NLRP4: variants seen among roughly 807,000 people sequenced by gnomAD.
The protein encoded by NLRP4 is NACHT, LRR and PYD domains-containing protein 4.
Under a neutral mutation model 84.7 loss-of-function variants are expected in NLRP4, and 44 were observed. That is an observed-to-expected ratio of 0.52 (90% CI 0.41 to 0.67). The LOEUF is 0.67. Among genes scored for constraint, NLRP4 ranks in the 30% least tolerant of loss-of-function variants. NLRP4 has a pLI of 0.00. For missense variants in NLRP4, 1,260 were observed against 1,219.4 expected (o/e 1.03, Z -0.50); for synonymous variants, 544 against 476.4 (o/e 1.14, Z -1.85).
intron 6 of NLRP4, among the ~76,000 whole-genome samples, chr19:55,868,930 G>A (rs750758602): frequency 3.1e-4 from 47 of 152,110 alleles, no homozygotes; most frequent in Middle Eastern, 3.4e-3. Context: ...TTTATACCTC[G>A]AGCTAAAATA....
rs776659188 is a variant in NLRP4 at position 55,840,338 on chromosome 19, A to ATGTGTG, written c.-66+3409_-66+3410insGTGTGT. 6.3e-3 allele frequency among the ~76,000 whole-genome samples: 862 copies of ATGTGTG among 136,992 alleles called. 6 individuals are homozygous for ATGTGTG. The highest frequency in any genetic ancestry group is 0.023 in the African/African-American group (821 of 35,862). The allele number at this position is 136,992 out of a possible 152,430, so 89.9% of individuals were successfully genotyped here. ...GGTGTGTGTGTATAGACATATGTGT[A>ATGTGTG]TGTGTATGTGTGTGTGTGTGTGTGT... On this transcript the variant is annotated intron_variant, in intron 1 of 9. Coordinates refer to ENST00000301295, the MANE Select transcript of NLRP4 (RefSeq NM_134444.5).
intron 1 of NLRP4, among the ~76,000 whole-genome samples, chr19:55,838,035 C>CCAAAAAAAAAAAAAAAAAAAAAAA (rs59078329): frequency 7.5e-6 from 1 of 132,656 alleles, no homozygotes; most frequent in Admixed American, 7.5e-5. Context: ...GACTCGGTCT[C>CCAAAAAAAAAAAAAAAAAAAAAAA]AAGCTGGATG....
chr19:55,873,586 C>A (rs1171926798), intron 7 of NLRP4, among the ~76,000 whole-genome samples: 1 of 151,948 alleles, frequency 6.6e-6, no homozygotes, highest in Non-Finnish European at 1.5e-5. Flanking sequence ...GTAGTAAGTG[C>A]CACTGAACTG....
At chr19:55,849,390 T>C (rs925495597) in intron 1 of NLRP4, among the ~76,000 whole-genome samples, 76 of 152,312 alleles carry the variant, frequency 5.0e-4, no homozygotes, top group African/African-American at 1.8e-3. Flanking sequence ...CCAGGGATCA[T>C]TTCTATAGTT....
intron 1 of NLRP4, among the ~76,000 whole-genome samples, chr19:55,837,633 A>T (rs552559430): frequency 7.1e-6 from 1 of 140,286 alleles, no homozygotes; most frequent in South Asian, 2.2e-4. Flanking sequence ...CAAAGTCCTA[A>T]CCCCTTTATA....
In NLRP4 at chr19:55,859,939, A is replaced by AC. The variant is rs1466205451; in HGVS notation, c.1856+690_1856+691insC. Among the ~76,000 whole-genome samples the AC allele has an allele frequency of 1.2e-3, 179 of 144,360 alleles. 2 individuals carry two copies. The highest frequency in any genetic ancestry group is 4.4e-3 in the African/African-American group (173 of 39,222). The allele number at this position is 144,360 out of a possible 152,430, so 94.7% of individuals were successfully genotyped here. A position where few individuals can be genotyped will look rare whatever the true frequency, so the allele number is the denominator to read the frequency against. On this transcript the variant is annotated intron_variant, in intron 3 of 9. Coordinates refer to ENST00000301295, the MANE Select transcript of NLRP4 (RefSeq NM_134444.5). ...GACTCTCATCTCCAAAAAAAAAAAA[A>AC]AAAAAAAAAAAAACAAAACACAAAT...
chr19:55,875,131 A>G (rs565239147), intron 7 of NLRP4, among the ~76,000 whole-genome samples: 4 of 152,354 alleles, frequency 2.6e-5, no homozygotes, highest in African/African-American at 9.6e-5. Flanking sequence ...TAAAGCAAAC[A>G]TTTGTCTAAT....
chr19:55,852,071 T>C lies in NLRP4; in HGVS notation c.-10T>C. 6.3e-7 allele frequency: 1 copy of C among 1,585,354 alleles called. No homozygotes were observed. The highest frequency in any genetic ancestry group is 1.2e-5 in the South Asian group (1 of 85,034). On this transcript the variant is annotated 5_prime_UTR_variant, in exon 2 of 10. Transcript: ENST00000301295. The stretch of plus-strand genomic sequence containing the variant: ...TCTCTTTGAGGATTGGTATCTCTGC[T>C]CCAGAAAAGATGGCAGCCTCTTTCT...
At chr19:55,850,064 A>ATTTCCGAGACTGCGGTGTG (rs1984000971) in intron 1 of NLRP4, among the ~76,000 whole-genome samples, 1 of 101,508 alleles carries the variant, frequency 9.9e-6, no homozygotes, top group African/African-American at 6.3e-5. Flanking sequence ...GCTGCGGTGG[A>ATTTCCGAGACTGCGGTGTG]ATTTCCGAGA....
rs56806641 is a variant in NLRP4, at chr19:55,881,136, C to CGTGT, written c.2868-307_2868-304dup. ...AGCTCCTACAAGCTGGTGAGAGCCA[C>CGTGT]GTGTGTGTGTGTGTGTGTGTGTGTG... On this transcript the variant is annotated intron_variant, in intron 9 of 9. Coordinates refer to ENST00000301295, the MANE Select transcript of NLRP4 (RefSeq NM_134444.5). Among the ~76,000 whole-genome samples the CGTGT allele has an allele frequency of 5.6e-3, 787 of 139,574 alleles. 7 individuals carry two copies. Among genetic ancestry groups the CGTGT allele is most frequent in the African/African-American group, 0.013 (506 of 37,806 alleles). The allele number at this position is 139,574 out of a possible 152,430, so 91.6% of individuals were successfully genotyped here. A position where few individuals can be genotyped will look rare whatever the true frequency, so the allele number is the denominator to read the frequency against.
intron 1 of NLRP4, among the ~76,000 whole-genome samples, chr19:55,839,795 C>CT (rs1322092183): frequency 6.6e-6 from 1 of 151,958 alleles, no homozygotes; most frequent in Non-Finnish European, 1.5e-5. Flanking sequence ...GTGTGTTTTG[C>CT]TTTTTATCTA....
chr19:55,861,894 G>A (rs1013358462), intron 4 of NLRP4, 98 bp from the exon 5 acceptor site: 23 of 878,724 alleles, frequency 2.6e-5, no homozygotes, highest in Non-Finnish European at 3.7e-5. Context: ...TGTGAAATCA[G>A]AGAATGAGTT....
In NLRP4 at chr19:55,859,944, AAAAAAAAAC is replaced by A. The variant is rs1369514808; in HGVS notation, c.1856+700_1856+708del. Among the ~76,000 whole-genome samples, 186 of 125,062 alleles carry A rather than the reference AAAAAAAAAC, an allele frequency of 1.5e-3. 9 individuals carry two copies. Among genetic ancestry groups the A allele is most frequent in the African/African-American group, 4.2e-3 (156 of 37,456 alleles). 82.0% of individuals were successfully genotyped at this position (125,062 alleles called of 152,430 possible). A position where few individuals can be genotyped will look rare whatever the true frequency, so the allele number is the denominator to read the frequency against. On this transcript the variant is annotated intron_variant, in intron 3 of 9. Coordinates refer to ENST00000301295, the MANE Select transcript of NLRP4 (RefSeq NM_134444.5). ...TCATCTCCAAAAAAAAAAAAAAAAAAAAAAAAAACAAAACACAAATCATACAAATTTTCT... is the reference window on the plus strand; with the variant it reads ...TCATCTCCAAAAAAAAAAAAAAAAAAAAAACACAAATCATACAAATTTTCT...
chr19:55,843,488 C>A (rs909025759), intron 1 of NLRP4, among the ~76,000 whole-genome samples: 1 of 151,632 alleles, frequency 6.6e-6, no homozygotes, highest in Admixed American at 6.6e-5. Context: ...GTCAGGAGTT[C>A]GAGACCAGCC....
chr19:55,849,423 G>C (rs1226237693), intron 1 of NLRP4, among the ~76,000 whole-genome samples: 1 of 152,180 alleles, frequency 6.6e-6, no homozygotes, highest in South Asian at 2.1e-4. Flanking sequence ...CTGCAGACTG[G>C]ATGGCTTACC....
At chr19:55,839,308 A>AGTGTGTGTGTGTGTGTGTGT (rs59705356) in intron 1 of NLRP4, among the ~76,000 whole-genome samples, 12,135 of 151,372 alleles carry the variant, frequency 0.08, 561 homozygotes, top group Middle Eastern at 0.12. Context: ...CCTCAGTTTG[A>AGTGTGTGTGTGTGTGTGTGT]GTGTGTGTGT....
rs779407138 is a variant in NLRP4, at chr19:55,858,060, C to CCGGAGAGACTCTTGTTCGTCAT, written c.670_691dup (p.Asp231GlyfsTer27). The stretch of plus-strand genomic sequence containing the variant: ...TCCTATAACAGAGATCGTGTCTCAA[C>CCGGAGAGACTCTTGTTCGTCAT]CGGAGAGACTCTTGTTCGTCATCGA... On this transcript the variant is annotated frameshift_variant, in exon 3 of 10. Transcript: ENST00000301295. LOFTEE classifies it high-confidence loss of function. The surrounding 1 kb of genome is among the most constrained non-coding windows in gnomAD (Gnocchi z 4.2). The CCGGAGAGACTCTTGTTCGTCAT allele has an allele frequency of 2.7e-5, 43 of 1,614,174 alleles. No homozygotes were observed. In the South Asian group the frequency reaches 4.6e-4, roughly 17 times the overall value.
rs45444895 is a variant in NLRP4, at chr19:55,836,709, C to T, written c.-291C>T. ...CAGCCAGGCCTCTCCATTCTATTTA[C>T]CCAGCGTTTTCCTTCTCTCCAGTTA... On this transcript the variant is annotated 5_prime_UTR_variant, in exon 1 of 10. Transcript: ENST00000301295. 12,648 of 152,138 alleles carry T rather than the reference C, an allele frequency of 0.083. 617 individuals carry two copies. The highest frequency in any genetic ancestry group is 0.13 in the East Asian group (676 of 5,162). 9.4% of individuals were successfully genotyped at this position (152,138 alleles called of 1,614,324 possible).
At chr19:55,866,707 C>T (rs1461401035) in intron 5 of NLRP4, among the ~76,000 whole-genome samples, 2 of 152,100 alleles carry the variant, frequency 1.3e-5, no homozygotes, top group East Asian at 3.8e-4. Context: ...TAACCACAGG[C>T]CAGAAAAAGA....
Sources: gnomAD v4.1 joint callset for allele counts (sites outside exome capture counted in the v4.1 genomes callset) on GRCh38, gnomAD v4.1.1 for gene constraint, Gnocchi (gnomAD v3.1) non-coding constraint, MANE v1.5 for transcripts, NCBI Gene and HGNC (gene_info 2026-07-23, HGNC 2026-07-21) for gene names.